SLC14A2: variants seen among roughly 807,000 people sequenced by gnomAD.
The protein encoded by SLC14A2 is solute carrier family 14 member 2, also known as urea transporter 2.
A neutral mutation model predicts 104.6 loss-of-function variants in SLC14A2; 91 were observed. The ratio of observed to expected loss-of-function variants is 0.87; its 90% confidence interval spans 0.73 to 1.04. The LOEUF (loss-of-function observed/expected upper bound fraction) is 1.04, where lower values mean the gene tolerates loss of function less well. Ranked by LOEUF, SLC14A2 falls within the 50% of genes least tolerant of loss-of-function variation. SLC14A2 has a pLI of 0.00. For synonymous variants in SLC14A2, 476 were observed against 466.4 expected, an observed-to-expected ratio of 1.02 and a Z score of -0.27; for missense variants, 1,189 against 1,156.0, an observed-to-expected ratio of 1.03 and a Z score of -0.41.
In SLC14A2 at chr18:45,669,443, T is replaced by G; in HGVS notation, c.2174T>G (p.Leu725Arg). Residue 725 changes from leucine (L) to arginine (R), a missense_variant, in exon 16 of 20, where the codon CTG (leucine) becomes CGG (arginine). Leu to Arg is a moderately radical substitution (Grantham distance 102). Transcript: ENST00000255226. The part of the protein sequence containing the change: ...HYNLFFPTTL[L>R]QPASAMPNIT... ...AACCTTTTCTTCCCCACAACGCTGC[T>G]GCAGCCTGCATCCGCCATGCCCAAC... 1 of 1,614,176 alleles carries G rather than the reference T, an allele frequency of 6.2e-7. No homozygotes were observed. Among genetic ancestry groups the G allele is most frequent in the Non-Finnish European group, 8.5e-7 (1 of 1,180,006 alleles).
intron 2 of SLC14A2, among the ~76,000 whole-genome samples, chr18:45,569,072 C>A (rs1424112008): frequency 1.3e-5 from 2 of 152,190 alleles, no homozygotes; most frequent in Non-Finnish European, 2.9e-5. Context: ...AGATTAGGTA[C>A]CGATTCTAGC....
At chr18:45,215,049 C>T (rs2083997817) in intron 1 of SLC14A2, among the ~76,000 whole-genome samples, 1 of 151,644 alleles carries the variant, frequency 6.6e-6, no homozygotes, top group Non-Finnish European at 1.5e-5. Flanking sequence ...ACTGGATGGT[C>T]AGGGAAGGCT....
chr18:45,424,496 G>A (rs952096469), intron 1 of SLC14A2, among the ~76,000 whole-genome samples: 1 of 152,214 alleles, frequency 6.6e-6, no homozygotes, highest in Non-Finnish European at 1.5e-5. Flanking sequence ...AGGGTCAGCA[G>A]GCCCAGGGGC....
chr18:45,297,437 G>A (rs1378445995), intron 1 of SLC14A2, among the ~76,000 whole-genome samples: 1 of 152,224 alleles, frequency 6.6e-6, no homozygotes, highest in African/African-American at 2.4e-5. Context: ...TGTCTTCTAA[G>A]AACTAATGCA....
At chr18:45,374,558 A>G (rs915282562) in intron 1 of SLC14A2, among the ~76,000 whole-genome samples, 1 of 151,018 alleles carries the variant, frequency 6.6e-6, no homozygotes, top group Non-Finnish European at 1.5e-5. Context: ...CCTCTCAGAT[A>G]AAAGATAAGG....
At chr18:45,359,054 G>C (rs2085584282) in intron 1 of SLC14A2, among the ~76,000 whole-genome samples, 1 of 152,208 alleles carries the variant, frequency 6.6e-6, no homozygotes, top group African/African-American at 2.4e-5. Flanking sequence ...CTGCCACCTA[G>C]AGTTTTGGGG....
chr18:45,467,512 G>A (rs1439299015), intron 1 of SLC14A2, among the ~76,000 whole-genome samples: 1 of 152,134 alleles, frequency 6.6e-6, no homozygotes, highest in Non-Finnish European at 1.5e-5. Context: ...CTTGGGTCAC[G>A]TGCCCATCTC....
chr18:45,345,366 A>G lies in SLC14A2; in HGVS notation c.-125+132175A>G, dbSNP rs554198687. Among the ~76,000 whole-genome samples, 3 of 152,332 alleles carry G rather than the reference A, an allele frequency of 2.0e-5. No individual in the cohort carries two copies. In the East Asian group the frequency reaches 5.8e-4, roughly 29 times the overall value. On this transcript the variant is annotated intron_variant, in intron 1 of 20. Coordinates refer to the SLC14A2 transcript ENST00000586448. The stretch of plus-strand genomic sequence containing the variant: ...TAGGTGCCAGAGAGACAGATTTTTT[A>G]AAGGCAGAGTCCCTTTCCTCTAATG...
intron 1 of SLC14A2, among the ~76,000 whole-genome samples, chr18:45,312,595 C>T (rs2085089958): frequency 6.6e-6 from 1 of 152,082 alleles, no homozygotes; most frequent in African/African-American, 2.4e-5. Context: ...ATTATTGCTA[C>T]AAAAATATTT....
intron 1 of SLC14A2, among the ~76,000 whole-genome samples, chr18:45,477,891 TCAAGCCA>T (rs1276538766): frequency 6.6e-6 from 1 of 152,188 alleles, no homozygotes; most frequent in African/African-American, 2.4e-5. Context: ...AGCAAGAATT[TCAAGCCA>T]GTGGATCTTA....
intron 1 of SLC14A2, among the ~76,000 whole-genome samples, chr18:45,352,623 T>A (rs2085514627): frequency 6.6e-6 from 1 of 151,920 alleles, no homozygotes; most frequent in Non-Finnish European, 1.5e-5. Context: ...AGACAGACAT[T>A]AGCCAAATAC....
At chr18:45,280,234 C>T (rs2084748068) in intron 1 of SLC14A2, among the ~76,000 whole-genome samples, 1 of 152,094 alleles carries the variant, frequency 6.6e-6, no homozygotes, top group Non-Finnish European at 1.5e-5. Flanking sequence ...CCACTGCCTG[C>T]CAGGAGCTAA....
chr18:45,401,061 T>A lies in SLC14A2; in HGVS notation c.-124-82172T>A, dbSNP rs138312298. Among the ~76,000 whole-genome samples the A allele has an allele frequency of 9.8e-3, 1,499 of 152,314 alleles. 16 individuals are homozygous for A. Among genetic ancestry groups the A allele is most frequent in the African/African-American group, 0.024 (997 of 41,566 alleles). The stretch of plus-strand genomic sequence containing the variant: ...CCTTTAGAAGCTAAGATCTGGGTGA[T>A]AGGTGTACTCAGAACCTCTAGGGTG... On this transcript the variant is annotated intron_variant, in intron 1 of 20. Coordinates refer to the SLC14A2 transcript ENST00000586448.
At chr18:45,285,500 C>T (rs71356483) in intron 1 of SLC14A2, among the ~76,000 whole-genome samples, 1 of 152,146 alleles carries the variant, frequency 6.6e-6, no homozygotes, top group African/African-American at 2.4e-5. Context: ...TCACCGCAAC[C>T]TCTGCCCTCC....
intron 2 of SLC14A2, among the ~76,000 whole-genome samples, chr18:45,549,226 A>G (rs550671921): frequency 2.0e-5 from 3 of 152,222 alleles, no homozygotes; most frequent in South Asian, 2.1e-4. Context: ...TGGTCCATCA[A>G]TGCTCTGCCT....
At chr18:45,478,655 T>A (rs1364699231) in intron 1 of SLC14A2, among the ~76,000 whole-genome samples, 1 of 152,184 alleles carries the variant, frequency 6.6e-6, no homozygotes, top group Non-Finnish European at 1.5e-5. Context: ...AAGGAAGGCG[T>A]GAAGAGCCAG....
chr18:45,368,945 A>G (rs1296529497), intron 1 of SLC14A2, among the ~76,000 whole-genome samples: 1 of 152,196 alleles, frequency 6.6e-6, no homozygotes, highest in African/African-American at 2.4e-5. Flanking sequence ...ATGAATTCTC[A>G]TCATCTTCAG....
chr18:45,237,476 C>T (rs1006618036), intron 1 of SLC14A2, among the ~76,000 whole-genome samples: 2 of 152,214 alleles, frequency 1.3e-5, no homozygotes, highest in Non-Finnish European at 2.9e-5. Context: ...CTAGTCGGCA[C>T]AGCATGCTCG....
intron 1 of SLC14A2, among the ~76,000 whole-genome samples, chr18:45,232,513 A>G (rs928264504): frequency 2.0e-5 from 3 of 152,222 alleles, no homozygotes; most frequent in Admixed American, 2.0e-4. Context: ...TAACTTGTCT[A>G]TACCCATTGT....
Sources: gnomAD v4.1 joint callset for allele counts (sites outside exome capture counted in the v4.1 genomes callset) on GRCh38, gnomAD v4.1.1 for gene constraint, MANE v1.5 for transcripts, NCBI Gene and HGNC (gene_info 2026-07-23, HGNC 2026-07-21) for gene names.